The following DAPK2 variants were observed in gnomAD, a reference collection of about 807,000 sequenced individuals.
DAPK2 encodes the protein death associated protein kinase 2.
In DAPK2, 35 loss-of-function variants were observed where a neutral mutation model predicts 44.1. That is an observed-to-expected ratio of 0.79 (90% CI 0.61 to 1.05). DAPK2 has a LOEUF of 1.05. DAPK2 is among the 50% of genes least tolerant of loss of function. The pLI, the probability that DAPK2 is intolerant of heterozygous loss-of-function variation, is 0.00. For missense variants in DAPK2, 453 were observed against 483.2 expected, an observed-to-expected ratio of 0.94 and a Z score of 0.59; for synonymous variants, 174 against 182.6, an observed-to-expected ratio of 0.95 and a Z score of 0.38.
upstream of DAPK2, among the ~76,000 whole-genome samples, chr15:64,042,252 T>C (rs2080369286): frequency 6.6e-6 from 1 of 152,146 alleles, no homozygotes; most frequent in Non-Finnish European, 1.5e-5. This position sits in a 1 kb window ranked among gnomAD's most constrained non-coding sequence, Gnocchi z 4.7. Flanking sequence ...AGCTTGACCA[T>C]AATCAGAAGC....
chr15:64,008,437 A>G (rs1325419951), intron 1 of DAPK2, among the ~76,000 whole-genome samples: 1 of 152,202 alleles, frequency 6.6e-6, no homozygotes, highest in East Asian at 1.9e-4. Context: ...ACTTAAAGTC[A>G]GATTATCTGA....
chr15:64,002,957 T>TC lies in DAPK2; in HGVS notation c.93-19204_93-19203insG, dbSNP rs59356576. ...GTGTGTGTGTGTGTGTGTGTGTGTG[T>TC]GTGTGTGTCGTGGGACCTGTGTGTG... On this transcript the variant is annotated intron_variant, in intron 1 of 10. Transcript: ENST00000261891. Among the ~76,000 whole-genome samples the TC allele has an allele frequency of 2.3e-3, 253 of 111,064 alleles. 1 individual carries two copies. The highest frequency in any genetic ancestry group is 0.022 in the East Asian group (44 of 1,988). The allele number at this position is 111,064 out of a possible 152,430, so 72.9% of individuals were successfully genotyped here.
intron 7 of DAPK2, 73 bp downstream of exon 8, chr15:63,925,868 C>A: frequency 1.3e-6 from 2 of 1,583,722 alleles, no homozygotes; most frequent in Non-Finnish European, 1.7e-6. Context: ...TGGGGACATA[C>A]TGACAGGTCT....
At chr15:63,982,720 T>G (rs1458854001) in intron 2 of DAPK2, among the ~76,000 whole-genome samples, 1 of 152,230 alleles carries the variant, frequency 6.6e-6, no homozygotes, top group East Asian at 1.9e-4. Context: ...CATAGCTGTC[T>G]GCACAGGCCG....
At chr15:64,010,851 A>G (rs1402952894) in intron 1 of DAPK2, among the ~76,000 whole-genome samples, 2 of 152,054 alleles carry the variant, frequency 1.3e-5, no homozygotes, top group Non-Finnish European at 2.9e-5. Context: ...GCTTCCTGTA[A>G]TCTTGTTTAT....
intron 3 of DAPK2, among the ~76,000 whole-genome samples, chr15:63,954,854 A>G (rs1249171105): frequency 6.6e-6 from 1 of 152,120 alleles, no homozygotes; most frequent in Non-Finnish European, 1.5e-5. Context: ...AGTTTTCATT[A>G]TAGAGATCTT....
At chr15:63,934,172 A>C (rs933378561) in intron 4 of DAPK2, among the ~76,000 whole-genome samples, 2 of 151,776 alleles carry the variant, frequency 1.3e-5, no homozygotes, top group African/African-American at 2.4e-5. Flanking sequence ...TGCTCCTCGA[A>C]CAACCTAAAA....
chr15:64,044,424 A>T (rs768622852), upstream of DAPK2, among the ~76,000 whole-genome samples: 1 of 152,198 alleles, frequency 6.6e-6, no homozygotes, highest in African/African-American at 2.4e-5. Context: ...CGTTATCCAT[A>T]CTATATGTTG....
At chr15:63,970,181 C>T (rs115470949) in intron 3 of DAPK2, among the ~76,000 whole-genome samples, 1,666 of 152,312 alleles carry the variant, frequency 0.011, 46 homozygotes, top group African/African-American at 0.038. Context: ...TCTCTGCTCA[C>T]CTGAACCCTT....
At chr15:63,998,174 G>C (rs551750264) in intron 1 of DAPK2, among the ~76,000 whole-genome samples, 1 of 152,326 alleles carries the variant, frequency 6.6e-6, no homozygotes, top group Non-Finnish European at 1.5e-5. Flanking sequence ...CAGTCAGACA[G>C]TGAGTGTCAT....
intron 8 of DAPK2, among the ~76,000 whole-genome samples, chr15:63,915,819 T>G (rs2146517848): frequency 6.6e-6 from 1 of 152,326 alleles, no homozygotes; most frequent in South Asian, 2.1e-4. Context: ...TTCCTGGTTG[T>G]TAAGAGCCCC....
At chr15:63,992,042 T>C (rs1167183063) in intron 1 of DAPK2, among the ~76,000 whole-genome samples, 1 of 151,852 alleles carries the variant, frequency 6.6e-6, no homozygotes, top group Non-Finnish European at 1.5e-5. Context: ...GTACAGGGAG[T>C]CAGAAAAACT....
chr15:63,963,076 C>G (rs995193981), intron 3 of DAPK2, among the ~76,000 whole-genome samples: 1 of 152,200 alleles, frequency 6.6e-6, no homozygotes, highest in African/African-American at 2.4e-5. Flanking sequence ...AAGCCTTGCT[C>G]CCACCTTGCA....
At chr15:63,946,557 CTA>C (rs1379413430) in intron 3 of DAPK2, among the ~76,000 whole-genome samples, 1 of 152,222 alleles carries the variant, frequency 6.6e-6, no homozygotes. Context: ...ACAACAGTGG[CTA>C]TGTTTGCTCA....
intron 8 of DAPK2, chr15:63,922,481 G>A: frequency 1.6e-6 from 2 of 1,269,294 alleles, no homozygotes; most frequent in Non-Finnish European, 2.0e-6. Flanking sequence ...ACCCTGAGGG[G>A]TACTCACTCT....
exon 2 of DAPK2, chr15:63,983,684 T>G: frequency 6.2e-7 from 1 of 1,613,952 alleles, no homozygotes; most frequent in African/African-American, 1.3e-5. Context: ...TGCCGCTTCT[T>G]GATGAACTTG....
chr15:64,045,373 T>C (rs2080438367), intron 1 of DAPK2, among the ~76,000 whole-genome samples: 1 of 152,132 alleles, frequency 6.6e-6, no homozygotes, highest in Admixed American at 6.5e-5. Flanking sequence ...CACGGCCTCT[T>C]AGGTCAACAG....
intron 1 of DAPK2, among the ~76,000 whole-genome samples, chr15:64,011,995 G>GC (rs1567272507): frequency 6.6e-6 from 1 of 152,096 alleles, no homozygotes; most frequent in African/African-American, 2.4e-5. Flanking sequence ...GTCTTTTCCA[G>GC]CCCCCCAGCC....
intron 1 of DAPK2, among the ~76,000 whole-genome samples, chr15:63,989,041 A>C (rs981765897): frequency 6.6e-6 from 1 of 151,708 alleles, no homozygotes; most frequent in South Asian, 2.1e-4. Flanking sequence ...TTAGCCAGGC[A>C]TGGTGGTGCA....
Sources: allele counts gnomAD v4.1 joint callset (sites outside exome capture counted in the v4.1 genomes callset), GRCh38; gene constraint gnomAD v4.1.1; non-coding constraint Gnocchi (gnomAD v3.1); transcripts MANE v1.5; gene names NCBI Gene and HGNC (gene_info 2026-07-23, HGNC 2026-07-21).